HTR4: variants seen among roughly 807,000 people sequenced by gnomAD.
The protein encoded by HTR4 is 5-hydroxytryptamine receptor 4.
HTR4 carries 16 observed loss-of-function variants against 36.8 expected under a neutral mutation model. That is an observed-to-expected ratio of 0.43 (90% CI 0.29 to 0.66). HTR4 has a LOEUF of 0.66. Among genes scored for constraint, HTR4 ranks in the 30% least tolerant of loss-of-function variants. HTR4 has a pLI of 0.13. For missense variants in HTR4, 438 were observed against 490.9 expected (o/e 0.89, Z 1.02); for synonymous variants, 189 against 185.1 (o/e 1.02, Z -0.17).
chr5:148,649,481 A>G (rs1581586534), intron 1 of HTR4, among the ~76,000 whole-genome samples: 1 of 152,134 alleles, frequency 6.6e-6, no homozygotes, highest in Non-Finnish European at 1.5e-5. Flanking sequence ...CAGATAATAT[A>G]TTTTTCTTAA....
intron 2 of HTR4, among the ~76,000 whole-genome samples, chr5:148,624,565 C>T (rs1753026706): frequency 6.6e-6 from 1 of 152,158 alleles, no homozygotes; most frequent in Admixed American, 6.5e-5. Context: ...GGCATGTTGT[C>T]CCTGTCATTA....
At chr5:148,531,250 C>T (rs1758550633) in intron 4 of HTR4, among the ~76,000 whole-genome samples, 1 of 152,194 alleles carries the variant, frequency 6.6e-6, no homozygotes, top group African/African-American at 2.4e-5. Context: ...TGTGTCCCCA[C>T]CCAAACCTCG....
At chr5:148,544,277 TTCTCTCTTTCTCTCTCTCTCCACC>T (rs1466108210) in intron 4 of HTR4, among the ~76,000 whole-genome samples, 28 of 148,300 alleles carry the variant, frequency 1.9e-4, no homozygotes, top group African/African-American at 6.8e-4. Flanking sequence ...CTCTCTCTCT[TTCTCTCTTTCTCTCTCTCTCCACC>T]TCTCTTTCTC....
intron 5 of HTR4, among the ~76,000 whole-genome samples, chr5:148,469,337 C>T (rs1342216248): frequency 6.6e-6 from 1 of 152,204 alleles, no homozygotes; most frequent in East Asian, 1.9e-4. Flanking sequence ...CGCTGTACCA[C>T]TGTGATCTTA....
At chr5:148,494,509 T>C (rs1230759071) in intron 6 of HTR4, among the ~76,000 whole-genome samples, 2 of 152,244 alleles carry the variant, frequency 1.3e-5, no homozygotes, top group African/African-American at 4.8e-5. Context: ...TATGTTTACA[T>C]TTTCTCCGCT....
chr5:148,480,838 G>A (rs559668608), downstream of HTR4, among the ~76,000 whole-genome samples: 1 of 152,240 alleles, frequency 6.6e-6, no homozygotes, highest in African/African-American at 2.4e-5. Context: ...GAGTGCTCAG[G>A]CACATCCACA....
chr5:148,615,996 A>G (rs1409247822), intron 2 of HTR4, among the ~76,000 whole-genome samples: 1 of 152,172 alleles, frequency 6.6e-6, no homozygotes. Context: ...TCTATTTTTC[A>G]ATATAAAATA....
chr5:148,484,213 G>A, intron 6 of HTR4: 3 of 1,571,082 alleles, frequency 1.9e-6, no homozygotes, highest in Non-Finnish European at 1.7e-6. Context: ...AGTTTTTCAG[G>A]CAAGGTAAAA....
intron 4 of HTR4, among the ~76,000 whole-genome samples, chr5:148,531,864 CA>C (rs1758582280): frequency 6.6e-6 from 1 of 152,120 alleles, no homozygotes; most frequent in South Asian, 2.1e-4. Flanking sequence ...TGCTCTCAAC[CA>C]GGGGTGACTT....
At chr5:148,637,087 T>C (rs776273867) in intron 1 of HTR4, 26 bp from the exon 2 acceptor site, 1 of 1,484,872 alleles carries the variant, frequency 6.7e-7, no homozygotes, top group South Asian at 1.2e-5. Flanking sequence ...TAAAAAGATG[T>C]TATAAAAGAA....
intron 3 of HTR4, among the ~76,000 whole-genome samples, 188 bp from the exon 4 acceptor site, chr5:148,549,056 A>T (rs1759543264): frequency 6.6e-6 from 1 of 152,158 alleles, no homozygotes; most frequent in African/African-American, 2.4e-5. Context: ...CCCTTCTGTA[A>T]CATGGCTGAG....
At chr5:148,645,731 C>T (rs1341799455) in intron 1 of HTR4, 3 of 152,180 alleles carry the variant, frequency 2.0e-5, no homozygotes, top group Non-Finnish European at 2.9e-5. Context: ...TGACATTAAC[C>T]AGCTGTTGTA....
At position 148,588,075 on chromosome 5, in the gene HTR4, G is replaced by A. The variant is rs1256570797; in HGVS notation, c.27-37813C>T. On this transcript the variant is annotated intron_variant, in intron 2 of 6. Coordinates refer to ENST00000377888, the MANE Select transcript of HTR4 (RefSeq NM_000870.7). ...CCACATAGGGAAGCGGTATGATCAAGTGGAAGAAATGAAAACACCAAGGCT... is the reference window on the plus strand; with the variant it reads ...CCACATAGGGAAGCGGTATGATCAAATGGAAGAAATGAAAACACCAAGGCT... Among the ~76,000 whole-genome samples, 3 of 152,146 alleles carry A rather than the reference G, an allele frequency of 2.0e-5. 1 individual carries two copies. Among genetic ancestry groups the A allele is most frequent in the African/African-American group, 7.2e-5 (3 of 41,436 alleles).
At chr5:148,509,032 A>G (rs556893551) in intron 6 of HTR4, among the ~76,000 whole-genome samples, 2 of 152,142 alleles carry the variant, frequency 1.3e-5, no homozygotes, top group East Asian at 3.9e-4. Context: ...TTTAACCACT[A>G]CTCTAAAGTA....
chr5:148,625,448 G>A (rs888617851), intron 2 of HTR4, among the ~76,000 whole-genome samples: 1 of 152,094 alleles, frequency 6.6e-6, no homozygotes, highest in African/African-American at 2.4e-5. Flanking sequence ...ATGACTAATA[G>A]CTTAGGAATT....
chr5:148,496,376 G>A (rs867878143), intron 6 of HTR4, among the ~76,000 whole-genome samples: 1 of 151,902 alleles, frequency 6.6e-6, no homozygotes, highest in African/African-American at 2.4e-5. Context: ...ATGGAAAAAC[G>A]ATCAAGAAAA....
intron 4 of HTR4, among the ~76,000 whole-genome samples, chr5:148,531,400 T>C (rs1029667527): frequency 6.6e-5 from 10 of 152,016 alleles, no homozygotes; most frequent in Non-Finnish European, 1.3e-4. Context: ...AAAGGGGAGT[T>C]TCCCTGTACA....
chr5:148,515,791 G>A (rs2113782979), intron 5 of HTR4, among the ~76,000 whole-genome samples: 1 of 151,868 alleles, frequency 6.6e-6, no homozygotes, highest in African/African-American at 2.4e-5. Flanking sequence ...TCTAGATATA[G>A]TTTTCTTCTT....
chr5:148,545,409 C>A (rs1219340612), intron 4 of HTR4, among the ~76,000 whole-genome samples: 2 of 152,228 alleles, frequency 1.3e-5, no homozygotes, highest in Non-Finnish European at 2.9e-5. Flanking sequence ...CTCCCCATAA[C>A]AATGCAAGTT....
Sources: allele counts gnomAD v4.1 joint callset (sites outside exome capture counted in the v4.1 genomes callset), GRCh38; gene constraint gnomAD v4.1.1; transcripts MANE v1.5; gene names NCBI Gene and HGNC (gene_info 2026-07-23, HGNC 2026-07-21).